Variants in MSRA observed in about 807,000 individuals in gnomAD.
The protein encoded by MSRA is methionine sulfoxide reductase A, also known as mitochondrial peptide methionine sulfoxide reductase.
A neutral mutation model predicts 31.3 loss-of-function variants in MSRA; 54 were observed. The observed-to-expected ratio is 1.73, with a 90% CI of 1.39 to 2.17. The LOEUF (loss-of-function observed/expected upper bound fraction) is 2.17. Ranked by LOEUF, MSRA falls within the 30% of genes most tolerant of loss-of-function variation. The pLI, the probability that MSRA is intolerant of heterozygous loss-of-function variation, is 0.00. For missense variants in MSRA, 507 were observed against 300.9 expected (o/e 1.69, Z -5.07); for synonymous variants, 169 against 116.5 (o/e 1.45, Z -2.90).
In MSRA at chr8:10,372,506, A is replaced by G. The variant is rs1290391568; in HGVS notation, c.543+52517A>G. ...TGCTGTTTTCCCGATTTCTAGATAA[A>G]TAAATGAAATCTCAGAGAGTCTCAC... On this transcript the variant is annotated intron_variant, in intron 5 of 5. Coordinates refer to ENST00000317173, the MANE Select transcript of MSRA (RefSeq NM_012331.5). Among the ~76,000 whole-genome samples, 4 of 152,224 alleles carry G rather than the reference A, an allele frequency of 2.6e-5. No homozygotes were observed. In the East Asian group the frequency reaches 7.7e-4, roughly 29 times the overall value.
intron 3 of MSRA, among the ~76,000 whole-genome samples, chr8:10,294,133 G>A (rs1800400590): frequency 6.6e-6 from 1 of 152,108 alleles, no homozygotes; most frequent in South Asian, 2.1e-4. Context: ...CCTGGGAGGT[G>A]GAGGTTCCAG....
intron 1 of MSRA, among the ~76,000 whole-genome samples, chr8:10,093,542 G>A (rs544076763): frequency 3.2e-4 from 49 of 152,146 alleles, no homozygotes; most frequent in African/African-American, 8.2e-4. Flanking sequence ...TATAACAACA[G>A]TTCTATGCTT....
chr8:10,119,587 C>G (rs1306594584), intron 1 of MSRA, among the ~76,000 whole-genome samples: 5 of 152,138 alleles, frequency 3.3e-5, no homozygotes, highest in Non-Finnish European at 7.3e-5. Flanking sequence ...CAGCCTTGCC[C>G]TTTGGGAGAG....
intron 1 of MSRA, among the ~76,000 whole-genome samples, chr8:10,177,748 A>C (rs1032697867): frequency 6.6e-6 from 1 of 152,234 alleles, no homozygotes; most frequent in Non-Finnish European, 1.5e-5. Flanking sequence ...CAGCAGGTCT[A>C]TGGACAGCCC....
chr8:10,165,384 G>T (rs1266179832), intron 1 of MSRA, among the ~76,000 whole-genome samples: 1 of 151,952 alleles, frequency 6.6e-6, no homozygotes, highest in African/African-American at 2.4e-5. Context: ...ACAAAAAACT[G>T]AGTTTCCGAT....
At chr8:10,247,348 C>G (rs1585266201) in intron 3 of MSRA, among the ~76,000 whole-genome samples, 1 of 152,256 alleles carries the variant, frequency 6.6e-6, no homozygotes, top group East Asian at 1.9e-4. Context: ...TGCCATTGAC[C>G]ATGGTGTAAG....
At chr8:10,054,705 C>A in intron 1 of MSRA, 47 bp downstream of exon 1, 1 of 1,446,902 alleles carries the variant, frequency 6.9e-7, no homozygotes, top group East Asian at 2.8e-5. Context: ...GCTGCGCATG[C>A]GCGCCTTTGC....
Position 10,428,717 on chromosome 8 carries a change from A to G in MSRA, c.*405A>G, listed in dbSNP as rs370327746. 8.5e-5 allele frequency: 17 copies of G among 199,976 alleles called. No homozygotes were observed. The East Asian group carries it at 2.8e-3, about 33-fold the overall frequency. 12.4% of individuals were successfully genotyped at this position (199,976 alleles called of 1,614,324 possible). A position where few individuals can be genotyped will look rare whatever the true frequency, so the allele number is the denominator to read the frequency against. On this transcript the variant is annotated 3_prime_UTR_variant, in exon 6 of 6. Coordinates refer to ENST00000317173, the MANE Select transcript of MSRA (RefSeq NM_012331.5). ...CAAACGTGTATAGCCTCAGTGACTC[A>G]TTCGCTGAAATCCTTCGCTTTACCA...
At position 10,111,930 on chromosome 8, in the gene MSRA, G is replaced by C. The variant is rs957274196; in HGVS notation, c.142+57272G>C. Among the ~76,000 whole-genome samples, 4 of 152,328 alleles carry C rather than the reference G, an allele frequency of 2.6e-5. No homozygotes were observed. The East Asian group carries it at 7.7e-4, about 29-fold the overall frequency. The stretch of plus-strand genomic sequence containing the variant: ...GGACCAGCTGGTCCTTGCAGCAGCT[G>C]AGGTCATAGCCGCTTCTTCCTGATG... On this transcript the variant is annotated intron_variant, in intron 1 of 5. Transcript: ENST00000317173.
At chr8:10,417,125 C>T (rs1344426405) in intron 5 of MSRA, among the ~76,000 whole-genome samples, 1 of 152,186 alleles carries the variant, frequency 6.6e-6, no homozygotes, top group Non-Finnish European at 1.5e-5. Flanking sequence ...AAGCAGGTCT[C>T]TTAATGGACC....
intron 3 of MSRA, among the ~76,000 whole-genome samples, chr8:10,277,270 A>AT (rs558970435): frequency 5.5e-4 from 84 of 152,180 alleles, no homozygotes; most frequent in Non-Finnish European, 8.7e-4. Context: ...ATGTCCAGGT[A>AT]TTTTTCTGAG....
chr8:10,156,773 T>C lies in MSRA; in HGVS notation c.143-51060T>C, dbSNP rs544443075. On this transcript the variant is annotated intron_variant, in intron 1 of 5. Coordinates refer to ENST00000317173, the MANE Select transcript of MSRA (RefSeq NM_012331.5). Reference sequence around the variant, plus strand: ...AATTTTCCAGTCATGCAGTTGTACTTATTGCCTTCTGGTTCTGTATCGATA... The same window carrying C: ...AATTTTCCAGTCATGCAGTTGTACTCATTGCCTTCTGGTTCTGTATCGATA... Among the ~76,000 whole-genome samples the C allele has an allele frequency of 6.4e-4, 98 of 151,980 alleles. 1 individual carries two copies. The South Asian group carries it at 0.013, about 20-fold the overall frequency.
At chr8:10,345,309 C>T (rs772756131) in intron 5 of MSRA, among the ~76,000 whole-genome samples, 16 of 152,168 alleles carry the variant, frequency 1.1e-4, no homozygotes, top group Admixed American at 2.0e-4. Context: ...GTTTCCATGT[C>T]GGTTAGATGG....
intron 1 of MSRA, among the ~76,000 whole-genome samples, chr8:10,137,869 C>T (rs1802403025): frequency 6.6e-6 from 1 of 152,142 alleles, no homozygotes; most frequent in Non-Finnish European, 1.5e-5. Context: ...ACTGTAGAGG[C>T]ATGTTTTTAT....
chr8:10,385,635 A>G (rs999800809), intron 5 of MSRA, among the ~76,000 whole-genome samples: 8 of 152,024 alleles, frequency 5.3e-5, no homozygotes, highest in Non-Finnish European at 1.0e-4. Flanking sequence ...TCAGTGGGGG[A>G]CACATGGCAT....
intron 1 of MSRA, among the ~76,000 whole-genome samples, chr8:10,140,362 A>G (rs760938997): frequency 1.1e-4 from 16 of 152,224 alleles, no homozygotes; most frequent in East Asian, 1.9e-4. Context: ...CTTGAATGCC[A>G]CAGTGCCATA....
At chr8:10,256,673 T>G (rs1409860051) in intron 3 of MSRA, among the ~76,000 whole-genome samples, 1 of 152,180 alleles carries the variant, frequency 6.6e-6, no homozygotes, top group Admixed American at 6.5e-5. Context: ...GGTGAAAACT[T>G]CCAACAGTAC....
chr8:10,233,818 C>T (rs1397268228), intron 2 of MSRA, among the ~76,000 whole-genome samples: 1 of 152,030 alleles, frequency 6.6e-6, no homozygotes. Context: ...TGTGAATCAT[C>T]ATATTCAAAG....
rs540554355 is a variant in MSRA at position 10,262,611 on chromosome 8, A to G, written c.331+17388A>G. Reference sequence around the variant, plus strand: ...GAGATTTAAGATTGTTTTGGCCTTTATCAGATATGTGACTTGAGAATGTGT... The same window carrying G: ...GAGATTTAAGATTGTTTTGGCCTTTGTCAGATATGTGACTTGAGAATGTGT... On this transcript the variant is annotated intron_variant, in intron 3 of 5. Coordinates refer to ENST00000317173, the MANE Select transcript of MSRA (RefSeq NM_012331.5). 4.0e-4 allele frequency among the ~76,000 whole-genome samples: 61 copies of G among 152,150 alleles called. No homozygotes were observed. The South Asian group carries it at 9.8e-3, about 24-fold the overall frequency.
Sources: gnomAD v4.1 joint callset for allele counts (sites outside exome capture counted in the v4.1 genomes callset) on GRCh38, gnomAD v4.1.1 for gene constraint, MANE v1.5 for transcripts, NCBI Gene and HGNC (gene_info 2026-07-23, HGNC 2026-07-21) for gene names.